Variants in ADAMTS2 observed in about 807,000 individuals in gnomAD.
ADAMTS2 encodes ADAM metallopeptidase with thrombospondin type 1 motif 2, also known as A disintegrin and metalloproteinase with thrombospondin motifs 2.
ADAMTS2 carries 50 observed loss-of-function variants against 123.0 expected under a neutral mutation model. The observed-to-expected ratio is 0.41, with a 90% CI of 0.32 to 0.51. The LOEUF (loss-of-function observed/expected upper bound fraction) is 0.51, where lower values mean the gene tolerates loss of function less well. Among genes scored for constraint, ADAMTS2 ranks in the 20% least tolerant of loss-of-function variants. ADAMTS2 has a pLI of 0.35. For missense variants in ADAMTS2, 1,494 were observed against 1,705.2 expected, an observed-to-expected ratio of 0.88 and a Z score of 2.18; for synonymous variants, 678 against 695.4, an observed-to-expected ratio of 0.98 and a Z score of 0.39.
chr5:179,209,331 C>A (rs774103739), intron 3 of ADAMTS2, among the ~76,000 whole-genome samples: 4 of 152,212 alleles, frequency 2.6e-5, no homozygotes, highest in Non-Finnish European at 2.9e-5. Context: ...GTTTCAGGCA[C>A]AAACCTGCAG....
chr5:179,217,842 GCACACTCACTAGGTA>G (rs1765033075), intron 3 of ADAMTS2, among the ~76,000 whole-genome samples: 2 of 71,294 alleles, frequency 2.8e-5, no homozygotes, highest in African/African-American at 1.1e-4. Context: ...GGGCAGACAG[GCACACTCACTAGGTA>G]GGGGATGGCC....
At chr5:179,232,007 T>C (rs1021691841) in intron 3 of ADAMTS2, among the ~76,000 whole-genome samples, 1 of 152,194 alleles carries the variant, frequency 6.6e-6, no homozygotes, top group Non-Finnish European at 1.5e-5. Context: ...TATCAGCTTT[T>C]GCCAAAAATG....
chr5:179,245,794 AAC>A lies in ADAMTS2; in HGVS notation c.688+27115_688+27116del, dbSNP rs1554091681. Among the ~76,000 whole-genome samples the A allele has an allele frequency of 2.2e-3, 260 of 117,898 alleles. 46 individuals carry two copies. Among genetic ancestry groups the A allele is most frequent in the Middle Eastern group, 4.5e-3 (1 of 220 alleles). The allele number at this position is 117,898 out of a possible 152,430, so 77.3% of individuals were successfully genotyped here. On this transcript the variant is annotated intron_variant, in intron 3 of 21. Coordinates refer to ENST00000251582, the MANE Select transcript of ADAMTS2 (RefSeq NM_014244.5). Reference sequence around the variant, plus strand: ...AAAAAAAAAAAAAAAAAAAAAAAAAAACAAAAAAAACAAAGATGGGGGTGGAA... The same window carrying A: ...AAAAAAAAAAAAAAAAAAAAAAAAAAAAAAAAAACAAAGATGGGGGTGGAA...
chr5:179,177,393 C>A (rs138151836), intron 5 of ADAMTS2, among the ~76,000 whole-genome samples: 3,750 of 152,316 alleles, frequency 0.025, 36 homozygotes, highest in Middle Eastern at 0.044. Flanking sequence ...CCTTTGGCAT[C>A]TTTGGGTATA....
At chr5:179,241,930 T>C (rs1011685075) in intron 3 of ADAMTS2, among the ~76,000 whole-genome samples, 9 of 152,146 alleles carry the variant, frequency 5.9e-5, no homozygotes, top group Non-Finnish European at 1.2e-4. Flanking sequence ...CCCCACCCAA[T>C]GTGTCTCTGG....
At chr5:179,325,329 G>A (rs576166395) in intron 2 of ADAMTS2, among the ~76,000 whole-genome samples, 1 of 152,316 alleles carries the variant, frequency 6.6e-6, no homozygotes, top group Admixed American at 6.5e-5. Context: ...ACGGAAGGGA[G>A]ACCGCGTGCT....
At chr5:179,329,263 C>T (rs777766115) in intron 2 of ADAMTS2, among the ~76,000 whole-genome samples, 4 of 149,788 alleles carry the variant, frequency 2.7e-5, no homozygotes, top group African/African-American at 7.4e-5. Flanking sequence ...GGAGGCAGAG[C>T]TTGCAGTGAG....
chr5:179,211,199 A>C (rs1401433570), intron 3 of ADAMTS2, among the ~76,000 whole-genome samples: 1 of 152,098 alleles, frequency 6.6e-6, no homozygotes. Flanking sequence ...AGCCCTGCTG[A>C]GCTGTGGTGA....
chr5:179,153,771 G>C (rs769275615), intron 8 of ADAMTS2, 148 bp from the exon 9 acceptor site: 4 of 1,302,482 alleles, frequency 3.1e-6, no homozygotes, highest in Non-Finnish European at 4.2e-6. Context: ...TTTCCCTGCT[G>C]CATCTCTTGT....
At chr5:179,241,634 G>A (rs1765673877) in intron 3 of ADAMTS2, among the ~76,000 whole-genome samples, 1 of 152,154 alleles carries the variant, frequency 6.6e-6, no homozygotes, top group Non-Finnish European at 1.5e-5. Context: ...TTTCCTTTGG[G>A]CAGAATTCAA....
chr5:179,340,883 C>T (rs1337491621), intron 2 of ADAMTS2, among the ~76,000 whole-genome samples: 1 of 152,212 alleles, frequency 6.6e-6, no homozygotes, highest in African/African-American at 2.4e-5. Flanking sequence ...TACCACGCTG[C>T]CCAGGAGATA....
chr5:179,207,529 A>G lies in ADAMTS2; in HGVS notation c.875T>C (p.Leu292Pro). 6.6e-7 allele frequency: 1 copy of G among 1,508,654 alleles called. No individual in the cohort carries two copies. Among genetic ancestry groups the G allele is most frequent in the Non-Finnish European group, 8.9e-7 (1 of 1,123,082 alleles). 93.5% of individuals were successfully genotyped at this position (1,508,654 alleles called of 1,614,324 possible). ...CCCACTCACAATGTTCATGAGTGTC[A>G]GCAGGTACTTCTGTACGTGCTCCTT... is the stretch of plus-strand genomic sequence containing the variant. ...HGKEHVQKYL[L>P]TLMNIVNEIY... Residue 292 changes from leucine to proline, a missense_variant, in exon 4 of 22, where the codon CTG becomes CCG. Leu to Pro is a moderately conservative substitution (Grantham distance 98). Transcript: ENST00000251582.
chr5:179,219,870 C>T (rs1398131378), intron 3 of ADAMTS2, among the ~76,000 whole-genome samples: 1 of 152,250 alleles, frequency 6.6e-6, no homozygotes, highest in African/African-American at 2.4e-5. Flanking sequence ...TACCGAGGCT[C>T]CTCTGCACCT....
intron 2 of ADAMTS2, among the ~76,000 whole-genome samples, chr5:179,315,151 C>T (rs1161189861): frequency 6.6e-6 from 1 of 151,824 alleles, no homozygotes; most frequent in Non-Finnish European, 1.5e-5. Context: ...CTGCCTCAGA[C>T]CCTCCCACCT....
rs1764023757 is a variant in ADAMTS2, at chr5:179,180,654, C to A, written c.975+418G>T. The stretch of plus-strand genomic sequence containing the variant: ...CCCAGAAAACTAACTCAGGACCGCT[C>A]CACTCCCCAGAGCCCACTGGAATTA... On this transcript the variant is annotated intron_variant, in intron 5 of 21. Transcript: ENST00000251582. The surrounding 1 kb of genome is among the most constrained non-coding windows in gnomAD (Gnocchi z 4.6). Among the ~76,000 whole-genome samples, 1 of 152,124 alleles carries A rather than the reference C, an allele frequency of 6.6e-6. No homozygotes were observed. The highest frequency in any genetic ancestry group is 2.4e-5 in the African/African-American group (1 of 41,414).
chr5:179,119,995 G>C (rs1356643131), intron 21 of ADAMTS2, among the ~76,000 whole-genome samples: 1 of 152,176 alleles, frequency 6.6e-6, no homozygotes, highest in East Asian at 1.9e-4. Flanking sequence ...GGGGAGGGGA[G>C]ATACACCTTT....
chr5:179,221,622 C>G (rs1433222494), intron 3 of ADAMTS2, among the ~76,000 whole-genome samples: 1 of 152,154 alleles, frequency 6.6e-6, no homozygotes, highest in African/African-American at 2.4e-5. Context: ...ATGTCCCATC[C>G]TCCAGGACGC....
At chr5:179,154,223 C>T in intron 7 of ADAMTS2, 31 bp from the exon 8 acceptor site, 1 of 1,539,198 alleles carries the variant, frequency 6.5e-7, no homozygotes, top group Non-Finnish European at 8.7e-7. Flanking sequence ...GGCTGAATCC[C>T]ACTGGCACAC....
chr5:179,328,443 G>A (rs1217640064), intron 2 of ADAMTS2, among the ~76,000 whole-genome samples: 3 of 152,264 alleles, frequency 2.0e-5, no homozygotes, highest in Non-Finnish European at 4.4e-5. Flanking sequence ...GTCATTGGGA[G>A]CAAAGGATCT....
Sources: gnomAD v4.1 joint callset for allele counts (sites outside exome capture counted in the v4.1 genomes callset) on GRCh38, gnomAD v4.1.1 for gene constraint, Gnocchi (gnomAD v3.1) non-coding constraint, MANE v1.5 for transcripts, NCBI Gene and HGNC (gene_info 2026-07-23, HGNC 2026-07-21) for gene names.